Variants in HIPK2 observed in about 807,000 individuals in gnomAD.
The protein encoded by HIPK2 is homeodomain-interacting protein kinase 2.
HIPK2 carries 27 observed loss-of-function variants against 113.7 expected under a neutral mutation model. The ratio of observed to expected loss-of-function variants is 0.24; its 90% CI spans 0.17 to 0.33. The LOEUF (loss-of-function observed/expected upper bound fraction) is 0.33. Ranked by LOEUF, HIPK2 falls within the 10% of genes least tolerant of loss-of-function variation. The pLI is 1.00. For synonymous variants in HIPK2, 631 were observed against 642.2 expected, an observed-to-expected ratio of 0.98 and a Z score of 0.26; for missense variants, 1,257 against 1,588.0, an observed-to-expected ratio of 0.79 and a Z score of 3.54.
chr7:139,744,119 T>C (rs1345086002), intron 1 of HIPK2, among the ~76,000 whole-genome samples: 4 of 152,190 alleles, frequency 2.6e-5, no homozygotes, highest in Non-Finnish European at 4.4e-5. Flanking sequence ...TGTCCACTAA[T>C]GTTCACAGGA....
At chr7:139,725,378 G>C (rs557336377) in intron 1 of HIPK2, among the ~76,000 whole-genome samples, 40 of 152,360 alleles carry the variant, frequency 2.6e-4, no homozygotes, top group Non-Finnish European at 4.7e-4. Context: ...CAGTCCATCA[G>C]GAGAGTGAGA....
chr7:139,676,662 A>C (rs1449715311), intron 2 of HIPK2, among the ~76,000 whole-genome samples: 1 of 152,116 alleles, frequency 6.6e-6, no homozygotes, highest in Non-Finnish European at 1.5e-5. Context: ...ATGCCATAGC[A>C]CTTCTTTTCT....
chr7:139,593,789 G>C (rs574583804), intron 12 of HIPK2, among the ~76,000 whole-genome samples: 14 of 152,338 alleles, frequency 9.2e-5, no homozygotes, highest in Admixed American at 8.5e-4. Flanking sequence ...TCAGGCTCGA[G>C]AACAAGGATG....
At chr7:139,663,850 C>T (rs1005952437) in intron 2 of HIPK2, among the ~76,000 whole-genome samples, 1 of 152,224 alleles carries the variant, frequency 6.6e-6, no homozygotes, top group Non-Finnish European at 1.5e-5. Flanking sequence ...AATTCTATCT[C>T]CTGCTTTCCC....
At chr7:139,775,391 G>C (rs1434038650) in intron 1 of HIPK2, among the ~76,000 whole-genome samples, 2 of 152,190 alleles carry the variant, frequency 1.3e-5, no homozygotes, top group African/African-American at 2.4e-5. Context: ...CTGTTTTAGA[G>C]CATGTCCAAC....
At chr7:139,648,944 C>A (rs1453030197) in intron 2 of HIPK2, among the ~76,000 whole-genome samples, 4 of 151,968 alleles carry the variant, frequency 2.6e-5, no homozygotes. Flanking sequence ...GAAGCAAAAC[C>A]CCAAACGGAA....
At chr7:139,748,411 T>C (rs1319436000) in intron 1 of HIPK2, among the ~76,000 whole-genome samples, 4 of 152,070 alleles carry the variant, frequency 2.6e-5, no homozygotes, top group Non-Finnish European at 4.4e-5. Context: ...ATTTATTATC[T>C]CACAGTTCTG....
intron 2 of HIPK2, among the ~76,000 whole-genome samples, chr7:139,712,594 C>T (rs1215561951): frequency 6.6e-6 from 1 of 152,220 alleles, no homozygotes. Flanking sequence ...CCAGGCGGCT[C>T]AAACACACAG....
At chr7:139,680,555 A>G (rs1802664824) in intron 2 of HIPK2, among the ~76,000 whole-genome samples, 1 of 152,246 alleles carries the variant, frequency 6.6e-6, no homozygotes, top group Admixed American at 6.5e-5. Flanking sequence ...AGACATGGGT[A>G]CTGAATGTCC....
rs1361038408 is a variant in HIPK2 at position 139,716,904 on chromosome 7, T to C, written c.131A>G (p.Tyr44Cys). The C allele has an allele frequency of 1.2e-6, 2 of 1,613,836 alleles. No individual in the cohort carries two copies. Among genetic ancestry groups the C allele is most frequent in the Non-Finnish European group, 8.5e-7 (1 of 1,179,890 alleles). The change falls in exon 2 of 15, where the codon TAC becomes TGC. Residue 44 changes from tyrosine (Y) to cysteine (C), a missense_variant. By Grantham distance (194) the Tyr-to-Cys change is radical. This residue lies in a region of HIPK2 where 209 missense variants were observed against 237.8 expected (regional missense o/e 0.88). Transcript: ENST00000406875. The surrounding 1 kb of genome is among the most constrained non-coding windows in gnomAD (Gnocchi z 9.3). The part of the protein sequence containing the change: ...EPSSNWDMTG[Y>C]GSHSKVYSQS... ...GCTATACACTTTGCTGTGGGAGCCG[T>C]ACCCAGTCATGTCCCAGTTGGAACT... is the stretch of plus-strand genomic sequence containing the variant.
At chr7:139,728,378 C>G (rs912479199) in intron 1 of HIPK2, among the ~76,000 whole-genome samples, 4 of 152,366 alleles carry the variant, frequency 2.6e-5, no homozygotes, top group South Asian at 4.1e-4. Flanking sequence ...GTTCAAGAAG[C>G]TGGAGTCCAA....
rs1347857678 is a variant in HIPK2, at chr7:139,683,215, G to A, written c.1103+32717C>T. Reference sequence around the variant, plus strand: ...TCATGCTTAACTATATAACACGCGTGCCACACACGAGGATAAAAATGCGAA... The same window carrying A: ...TCATGCTTAACTATATAACACGCGTACCACACACGAGGATAAAAATGCGAA... On this transcript the variant is annotated intron_variant, in intron 2 of 14. Coordinates refer to ENST00000406875, the MANE Select transcript of HIPK2 (RefSeq NM_022740.5). This position sits in a 1 kb window ranked among gnomAD's most constrained non-coding sequence, Gnocchi z 4.2. Among the ~76,000 whole-genome samples, 2 of 152,308 alleles carry A rather than the reference G, an allele frequency of 1.3e-5. No homozygotes were observed. The highest frequency in any genetic ancestry group is 1.5e-5 in the Non-Finnish European group (1 of 68,020).
Position 139,714,662 on chromosome 7 carries a change from G to A in HIPK2, c.1103+1270C>T, listed in dbSNP as rs538937683. Among the ~76,000 whole-genome samples the A allele has an allele frequency of 2.0e-5, 3 of 152,334 alleles. No individual in the cohort carries two copies. The highest frequency in any genetic ancestry group is 4.1e-4 in the South Asian group (2 of 4,834). Reference sequence around the variant, plus strand: ...CTTGCTTGCAAGCAGGATGGCCTCCGGGGACCCCGGTCTTCCTGCCTACGT... The same window carrying A: ...CTTGCTTGCAAGCAGGATGGCCTCCAGGGACCCCGGTCTTCCTGCCTACGT... On this transcript the variant is annotated intron_variant, in intron 2 of 14. Coordinates refer to ENST00000406875, the MANE Select transcript of HIPK2 (RefSeq NM_022740.5). This position sits in a 1 kb window ranked among gnomAD's most constrained non-coding sequence, Gnocchi z 4.2.
intron 2 of HIPK2, among the ~76,000 whole-genome samples, chr7:139,670,586 A>C (rs1249808516): frequency 1.3e-5 from 2 of 151,954 alleles, no homozygotes; most frequent in Non-Finnish European, 2.9e-5. Context: ...GTCTTGAAAA[A>C]AAAAAAGAAC....
At chr7:139,763,335 C>T (rs184495555) in intron 1 of HIPK2, among the ~76,000 whole-genome samples, 87 of 152,194 alleles carry the variant, frequency 5.7e-4, no homozygotes, top group South Asian at 4.8e-3. Context: ...CAAGAACAGG[C>T]ATGGAGGGAC....
intron 2 of HIPK2, among the ~76,000 whole-genome samples, chr7:139,662,650 C>T (rs1309942646): frequency 2.7e-5 from 4 of 148,108 alleles, no homozygotes; most frequent in African/African-American, 1.0e-4. Context: ...GACGGAGTCT[C>T]GCTCTGTCAC....
intron 2 of HIPK2, among the ~76,000 whole-genome samples, chr7:139,638,684 G>A (rs1233311869): frequency 7.3e-6 from 1 of 136,094 alleles, no homozygotes; most frequent in East Asian, 2.0e-4. Flanking sequence ...TTGAGACAGA[G>A]TCTCACTCTG....
intron 1 of HIPK2, among the ~76,000 whole-genome samples, chr7:139,748,194 G>A (rs1356360442): frequency 1.3e-5 from 2 of 152,166 alleles, no homozygotes; most frequent in Admixed American, 6.5e-5. Flanking sequence ...GCCCATCTGA[G>A]CCGCTTCTCT....
chr7:139,763,817 G>T (rs1796510096), intron 1 of HIPK2, among the ~76,000 whole-genome samples: 1 of 152,222 alleles, frequency 6.6e-6, no homozygotes, highest in South Asian at 2.1e-4. Context: ...AAGTTGCGCT[G>T]GTCAACACAC....
Sources: gnomAD v4.1 joint callset for allele counts (sites outside exome capture counted in the v4.1 genomes callset) on GRCh38, gnomAD v4.1.1 for gene constraint, gnomAD v4.1.1 regional missense constraint, Gnocchi (gnomAD v3.1) non-coding constraint, MANE v1.5 for transcripts, NCBI Gene and HGNC (gene_info 2026-07-23, HGNC 2026-07-21) for gene names.